ATIC: variants seen among roughly 807,000 people sequenced by gnomAD.
ATIC encodes the protein 5-aminoimidazole-4-carboxamide ribonucleotide formyltransferase/IMP cyclohydrolase.
In ATIC, 64 loss-of-function variants were observed where a neutral mutation model predicts 72.5. The ratio of observed to expected loss-of-function variants is 0.88; its 90% CI spans 0.72 to 1.09. ATIC has a LOEUF of 1.09. ATIC is among the 50% of genes least tolerant of loss of function. ATIC has a pLI of 0.00. For missense variants in ATIC, 787 were observed against 732.4 expected (o/e 1.07, Z -0.86); for synonymous variants, 281 against 267.1 (o/e 1.05, Z -0.51).
At chr2:215,364,652 C>CCATT in the ATIC span, 2 of 588,850 alleles carry the variant, frequency 3.4e-6, no homozygotes, top group South Asian at 4.0e-5. Flanking sequence ...ACTCTACATG[C>CCATT]CATTCATTCA....
chr2:215,317,642 C>T (rs183529697), intron 2 of ATIC, among the ~76,000 whole-genome samples: 61 of 152,108 alleles, frequency 4.0e-4, no homozygotes, highest in Non-Finnish European at 7.2e-4. Flanking sequence ...CCCGCCATCA[C>T]GCTCGGCTAA....
intron 8 of ATIC, among the ~76,000 whole-genome samples, chr2:215,332,961 C>T (rs761797693): frequency 8.5e-5 from 13 of 152,170 alleles, no homozygotes; most frequent in Non-Finnish European, 1.6e-4. Context: ...TCCTCCAGCA[C>T]ATGATTTGTT....
In ATIC at chr2:215,349,622, C is replaced by A. The variant is rs751328131; in HGVS notation, c.1746C>A (p.Leu582=). 6.8e-6 allele frequency: 11 copies of A among 1,614,086 alleles called. No homozygotes were observed. Among genetic ancestry groups the A allele is most frequent in the Non-Finnish European group, 3.4e-6 (4 of 1,180,052 alleles). Residue 582 remains leucine, a synonymous_variant, in exon 16 of 16, where the codon CTC becomes CTA. Transcript: ENST00000236959. ...IEACDELGII[L]AHTNLRLFHH ...CCTGCGACGAACTGGGAATCATCCT[C>A]GCTCATACGAACCTTCGGCTCTTCC...
chr2:215,312,096 G>A lies in ATIC; in HGVS notation c.-47G>A, dbSNP rs1189377023. The A allele has an allele frequency of 2.0e-6, 3 of 1,489,160 alleles. No homozygotes were observed. Among genetic ancestry groups the A allele is most frequent in the African/African-American group, 1.4e-5 (1 of 72,198 alleles). The allele number at this position is 1,489,160 out of a possible 1,614,324, so 92.2% of individuals were successfully genotyped here. A position where few individuals can be genotyped will look rare whatever the true frequency, so the allele number is the denominator to read the frequency against. On this transcript the variant is annotated 5_prime_UTR_variant, in exon 1 of 16. Transcript: ENST00000236959. ...CAGCCCTCCTACCTGCGCACGTGGTGCCGCCGCTGCTGCCTCCCGCTCGCC... is the reference window on the plus strand; with the variant it reads ...CAGCCCTCCTACCTGCGCACGTGGTACCGCCGCTGCTGCCTCCCGCTCGCC...
chr2:215,354,683 T>G (rs1265263822), downstream of ATIC, among the ~76,000 whole-genome samples: 3 of 152,066 alleles, frequency 2.0e-5, no homozygotes, highest in South Asian at 2.1e-4. Context: ...AGGAGTTTTA[T>G]TTTTCCCTTC....
At position 215,313,707 on chromosome 2, in the gene ATIC, A is replaced by G. The variant is rs568438233; in HGVS notation, c.146+1083A>G. ...CCTTTTCTTTGTGCAGTTCCCAGCT[A>G]TGTGAGCAGTACACAGCTTCCCTAA... is the stretch of plus-strand genomic sequence containing the variant. On this transcript the variant is annotated intron_variant, in intron 2 of 15. Transcript: ENST00000236959. 2.6e-5 allele frequency among the ~76,000 whole-genome samples: 4 copies of G among 152,332 alleles called. No individual in the cohort carries two copies. The South Asian group carries it at 6.2e-4, about 24-fold the overall frequency.
At chr2:215,341,806 C>T (rs571913327) in intron 12 of ATIC, among the ~76,000 whole-genome samples, 15 of 152,130 alleles carry the variant, frequency 9.9e-5, no homozygotes, top group Non-Finnish European at 1.9e-4. Context: ...TTGATCCCAA[C>T]CCAGGATGCC....
intron 12 of ATIC, among the ~76,000 whole-genome samples, chr2:215,340,425 AG>A (rs531197786): frequency 5.1e-4 from 77 of 152,308 alleles, no homozygotes; most frequent in African/African-American, 1.8e-3. Flanking sequence ...GGTCTAAAGT[AG>A]GCTGTGCTTG....
At chr2:215,367,364 A>T in the ATIC span, among the ~76,000 whole-genome samples, 2 of 152,198 alleles carry the variant, frequency 1.3e-5, no homozygotes, top group Admixed American at 6.5e-5. Flanking sequence ...TCATATTTCT[A>T]GCAACGTTCA....
chr2:215,318,016 A>C, intron 2 of ATIC, 141 bp from the exon 3 acceptor site: 1 of 725,530 alleles, frequency 1.4e-6, no homozygotes, highest in South Asian at 1.6e-5. Context: ...AATAAAATAT[A>C]GTGAAATACT....
chr2:215,335,000 G>C lies in ATIC; in HGVS notation c.1004G>C (p.Arg335Thr), dbSNP rs150500567. Residue 335 changes from arginine to threonine, a missense_variant, in exon 10 of 16, where the codon AGA becomes ACA. Arg to Thr is a moderately conservative substitution (Grantham distance 71). Coordinates refer to ENST00000236959, the MANE Select transcript of ATIC (RefSeq NM_004044.7). The stretch of plus-strand genomic sequence containing the variant: ...GTACCAACTGCAAAAATTATTTCCA[G>C]AGAAGTTAGTGGACATTCATGTATC... ...CDVPTAKIIS[R>T]EVSDGIIAPG... 7 of 1,611,420 alleles carry C rather than the reference G, an allele frequency of 4.3e-6. No homozygotes were observed. The African/African-American group carries it at 8.0e-5, about 18-fold the overall frequency.
the ATIC span, among the ~76,000 whole-genome samples, chr2:215,363,964 A>T: frequency 3.9e-5 from 6 of 152,160 alleles, no homozygotes; most frequent in Non-Finnish European, 2.9e-5. Flanking sequence ...ACCAAAGCCC[A>T]CCTGGGCCAG....
rs139816285 is a variant in ATIC, at chr2:215,336,255, G to C, written c.1098+131G>C. On this transcript the variant is annotated intron_variant, in intron 11 of 15. Transcript: ENST00000236959. ...ATTATAGTTTATTTTCCCCAATCCTGCATTTAAAAAAATACTATTAACTTG... is the reference window on the plus strand; with the variant it reads ...ATTATAGTTTATTTTCCCCAATCCTCCATTTAAAAAAATACTATTAACTTG... The C allele has an allele frequency of 2.2e-4, 162 of 737,416 alleles. No homozygotes were observed. The East Asian group carries it at 4.3e-3, about 20-fold the overall frequency. 45.7% of individuals were successfully genotyped at this position (737,416 alleles called of 1,614,324 possible). A position where few individuals can be genotyped will look rare whatever the true frequency, so the allele number is the denominator to read the frequency against.
In ATIC at chr2:215,325,196, T is replaced by C. The variant is rs373947561; in HGVS notation, c.291-45T>C. ...TTTTCCTAGATAGCTGTAAACCACA[T>C]GAGTGGACTTTTTAATGACAGCCAG... is the stretch of plus-strand genomic sequence containing the variant. On this transcript the variant is annotated intron_variant, in intron 4 of 15. Transcript: ENST00000236959. 8 of 1,464,646 alleles carry C rather than the reference T, an allele frequency of 5.5e-6. No homozygotes were observed. The African/African-American group carries it at 9.7e-5, about 18-fold the overall frequency. 90.7% of individuals were successfully genotyped at this position (1,464,646 alleles called of 1,614,324 possible).
intron 2 of ATIC, among the ~76,000 whole-genome samples, chr2:215,317,564 C>T (rs185699959): frequency 5.9e-5 from 9 of 152,212 alleles, no homozygotes; most frequent in Admixed American, 3.9e-4. Flanking sequence ...CGGCTCACTG[C>T]GACCTCCAAC....
At chr2:215,319,852 T>A in intron 4 of ATIC, 121 bp downstream of exon 4, 1 of 819,892 alleles carries the variant, frequency 1.2e-6, no homozygotes, top group Non-Finnish European at 2.0e-6. Flanking sequence ...TCTGTGTGAC[T>A]TTGTATGTGT....
chr2:215,332,478 C>CT lies in ATIC; in HGVS notation c.786dup (p.Ala263CysfsTer19), dbSNP rs764393346. On this transcript the variant is annotated frameshift_variant, in exon 8 of 16. Coordinates refer to ENST00000236959, the MANE Select transcript of ATIC (RefSeq NM_004044.7). LOFTEE classifies it high-confidence loss of function. ...AAGGAGGCTTTAGGTATTCCAGCCGCTGCCTCTTTCAAACATGTCAGCCCA... is the reference window on the plus strand; with the variant it reads ...AAGGAGGCTTTAGGTATTCCAGCCGCTTGCCTCTTTCAAACATGTCAGCCCA... The CT allele has an allele frequency of 1.2e-5, 19 of 1,614,144 alleles. No individual in the cohort carries two copies. Among genetic ancestry groups the CT allele is most frequent in the Non-Finnish European group, 1.6e-5 (19 of 1,180,034 alleles).
At chr2:215,327,296 G>C (rs1009475781) in intron 7 of ATIC, among the ~76,000 whole-genome samples, 1 of 152,164 alleles carries the variant, frequency 6.6e-6, no homozygotes, top group African/African-American at 2.4e-5. Flanking sequence ...TGGGGTAAAG[G>C]CTTGGTAGGT....
intron 9 of ATIC, among the ~76,000 whole-genome samples, chr2:215,333,973 T>G (rs77511877): frequency 6.7e-6 from 1 of 150,230 alleles, no homozygotes; most frequent in East Asian, 2.0e-4. Flanking sequence ...ACCCGGCAGG[T>G]GGAACTTGCA....
Sources: allele counts gnomAD v4.1 joint callset (sites outside exome capture counted in the v4.1 genomes callset), GRCh38; gene constraint gnomAD v4.1.1; transcripts MANE v1.5; gene names NCBI Gene and HGNC (gene_info 2026-07-23, HGNC 2026-07-21).